The following MAPK9 variants were observed in gnomAD, a reference collection of about 807,000 sequenced individuals.
MAPK9 encodes mitogen-activated protein kinase 9.
MAPK9 carries 30 observed loss-of-function variants against 57.1 expected under a neutral mutation model. The ratio of observed to expected loss-of-function variants is 0.53; its 90% confidence interval spans 0.39 to 0.71. The LOEUF (loss-of-function observed/expected upper bound fraction) is 0.71. Among genes scored for constraint, MAPK9 ranks in the 30% least tolerant of loss-of-function variants. The pLI is 0.00. For synonymous variants in MAPK9, 155 were observed against 177.0 expected, an observed-to-expected ratio of 0.88 and a Z score of 0.99; for missense variants, 362 against 521.0, an observed-to-expected ratio of 0.69 and a Z score of 2.97.
At chr5:180,236,707 G>T in intron 11 of MAPK9, 181 bp from the exon 12 acceptor site, 1 of 527,842 alleles carries the variant, frequency 1.9e-6, no homozygotes, top group Non-Finnish European at 3.2e-6. Flanking sequence ...CTTTCTTTGG[G>T]CCAAGAGTCC....
At chr5:180,256,272 T>A (rs1759268111) in intron 5 of MAPK9, among the ~76,000 whole-genome samples, 1 of 152,370 alleles carries the variant, frequency 6.6e-6, no homozygotes, top group African/African-American at 2.4e-5. Flanking sequence ...TATTAAACCA[T>A]TTTAATAGGC....
At chr5:180,257,490 C>A (rs1759411243) in intron 5 of MAPK9, among the ~76,000 whole-genome samples, 1 of 152,162 alleles carries the variant, frequency 6.6e-6, no homozygotes, top group South Asian at 2.1e-4. Context: ...AGTAATAATC[C>A]AGGGAATGCT....
chr5:180,240,066 G>A lies in MAPK9; in HGVS notation c.997-79C>T, dbSNP rs1002457986. The A allele has an allele frequency of 1.2e-5, 13 of 1,050,968 alleles. No individual in the cohort carries two copies. The Admixed American group carries it at 2.3e-4, about 18-fold the overall frequency. The allele number at this position is 1,050,968 out of a possible 1,614,324, so 65.1% of individuals were successfully genotyped here. On this transcript the variant is annotated intron_variant, in intron 9 of 11. Transcript: ENST00000452135. ...GCACTAAAAAAGGTAAAATTGCTTG[G>A]AAGACTTCTAGTCTATTTATGATAT...
chr5:180,291,454 G>C (rs1360442822), intron 1 of MAPK9, among the ~76,000 whole-genome samples: 2 of 152,202 alleles, frequency 1.3e-5, no homozygotes, highest in East Asian at 1.9e-4. Context: ...CTGTCCAGAA[G>C]AGACATTTCC....
chr5:180,288,375 C>T (rs1762953570), intron 1 of MAPK9, among the ~76,000 whole-genome samples: 1 of 152,188 alleles, frequency 6.6e-6, no homozygotes, highest in Non-Finnish European at 1.5e-5. Context: ...AACGTATGGC[C>T]TTCTCTTGCT....
chr5:180,250,877 G>A (rs376278176), intron 5 of MAPK9, among the ~76,000 whole-genome samples: 36 of 152,244 alleles, frequency 2.4e-4, no homozygotes, highest in African/African-American at 8.2e-4. Flanking sequence ...ATGAAGGAAA[G>A]CCAGGGAGAA....
intron 1 of MAPK9, among the ~76,000 whole-genome samples, chr5:180,281,976 G>A (rs549690399): frequency 1.3e-5 from 2 of 152,190 alleles, no homozygotes; most frequent in Non-Finnish European, 2.9e-5. Context: ...GAGCAATCTA[G>A]GGCTGAGTGA....
At chr5:180,279,082 C>T (rs992895748) in intron 2 of MAPK9, among the ~76,000 whole-genome samples, 3 of 151,918 alleles carry the variant, frequency 2.0e-5, no homozygotes, top group African/African-American at 7.3e-5. Flanking sequence ...CTCAGCCTCC[C>T]GAGTAGCTGG....
chr5:180,251,381 G>A (rs1758674752), intron 5 of MAPK9, among the ~76,000 whole-genome samples: 1 of 152,196 alleles, frequency 6.6e-6, no homozygotes, highest in South Asian at 2.1e-4. Flanking sequence ...TGCCAGCTCT[G>A]TGAACCCCAG....
chr5:180,244,642 C>T (rs1344992698), intron 7 of MAPK9, among the ~76,000 whole-genome samples: 7 of 151,924 alleles, frequency 4.6e-5, no homozygotes, highest in East Asian at 3.9e-4. Context: ...GGCGTGGTGG[C>T]GGGCGCCTGT....
intron 5 of MAPK9, among the ~76,000 whole-genome samples, chr5:180,255,856 T>G (rs924252126): frequency 9.9e-5 from 15 of 152,156 alleles, no homozygotes; most frequent in African/African-American, 3.6e-4. Context: ...ATCAGCTAAA[T>G]GAACTGAAGG....
At chr5:180,259,585 T>G (rs952356232) in intron 5 of MAPK9, among the ~76,000 whole-genome samples, 1 of 152,138 alleles carries the variant, frequency 6.6e-6, no homozygotes, top group African/African-American at 2.4e-5. Flanking sequence ...TCCAGTTCTC[T>G]ATGTAAACAT....
intron 5 of MAPK9, among the ~76,000 whole-genome samples, chr5:180,257,024 C>T (rs1759362878): frequency 6.6e-6 from 1 of 152,118 alleles, no homozygotes. Flanking sequence ...AATTCAGAAG[C>T]CTAGTGTTAC....
intron 4 of MAPK9, among the ~76,000 whole-genome samples, chr5:180,263,647 G>A (rs139763487): frequency 3.3e-5 from 5 of 151,532 alleles, no homozygotes; most frequent in East Asian, 1.9e-4. Flanking sequence ...TGTCCTGAGC[G>A]CTGTCTGTTC....
intron 3 of MAPK9, 126 bp downstream of exon 3, chr5:180,269,154 T>C: frequency 1.9e-6 from 2 of 1,046,934 alleles, no homozygotes; most frequent in Non-Finnish European, 2.8e-6. Context: ...AAAAAACCAA[T>C]GTTAATAGCC....
intron 2 of MAPK9, among the ~76,000 whole-genome samples, chr5:180,272,970 T>G (rs1018642762): frequency 1.3e-5 from 2 of 152,124 alleles, no homozygotes. Context: ...ATCTGAGAGC[T>G]GCCTCTGCGT....
chr5:180,240,615 G>A (rs1228421406), intron 9 of MAPK9, among the ~76,000 whole-genome samples: 1 of 152,208 alleles, frequency 6.6e-6, no homozygotes, highest in Non-Finnish European at 1.5e-5. Flanking sequence ...ACTCAGAGTG[G>A]AGCTCCTCCA....
In MAPK9 at chr5:180,289,270, C is replaced by T. The variant is rs1364640455; in HGVS notation, c.-48+2578G>A. 3.9e-5 allele frequency among the ~76,000 whole-genome samples: 6 copies of T among 152,168 alleles called. No homozygotes were observed. In the East Asian group the frequency reaches 7.7e-4, roughly 20 times the overall value. The stretch of plus-strand genomic sequence containing the variant: ...AAGTATCCCCTCTGTTGTTTATTTA[C>T]GGGACCAAATAAACAGATTTTAATC... On this transcript the variant is annotated intron_variant, in intron 1 of 11. Coordinates refer to ENST00000452135, the MANE Select transcript of MAPK9 (RefSeq NM_002752.5).
intron 7 of MAPK9, among the ~76,000 whole-genome samples, chr5:180,245,766 G>A (rs1248038676): frequency 6.6e-5 from 10 of 152,156 alleles, no homozygotes; most frequent in Admixed American, 2.6e-4. Context: ...CGAGGTGGCC[G>A]GGCTAAAGCT....
Sources: allele counts gnomAD v4.1 joint callset (sites outside exome capture counted in the v4.1 genomes callset), GRCh38; gene constraint gnomAD v4.1.1; transcripts MANE v1.5; gene names NCBI Gene and HGNC (gene_info 2026-07-23, HGNC 2026-07-21).